TRHDE: variants seen among roughly 807,000 people sequenced by gnomAD.
TRHDE encodes the protein thyrotropin releasing hormone degrading enzyme, also known as thyrotropin-releasing hormone-degrading ectoenzyme.
A neutral mutation model predicts 125.7 loss-of-function variants in TRHDE; 72 were observed. That is an observed-to-expected ratio of 0.57 (90% CI 0.47 to 0.70). The LOEUF is 0.70. TRHDE is among the 30% of genes least tolerant of loss of function. TRHDE has a pLI of 0.00. For missense variants in TRHDE, 1,110 were observed against 1,327.1 expected (o/e 0.84, Z 2.54); for synonymous variants, 509 against 509.1 (o/e 1.00, Z 0.00).
At chr12:72,156,098 G>C (rs1876500035) in intron 2 of TRHDE, among the ~76,000 whole-genome samples, 1 of 152,136 alleles carries the variant, frequency 6.6e-6, no homozygotes, top group African/African-American at 2.4e-5. Flanking sequence ...GCAGTGGCGG[G>C]CGCCCCTCCC....
At chr12:72,205,586 C>A (rs1877648344) in intron 2 of TRHDE, among the ~76,000 whole-genome samples, 1 of 152,068 alleles carries the variant, frequency 6.6e-6, no homozygotes, top group African/African-American at 2.4e-5. Flanking sequence ...TTTAGATATC[C>A]CATGTAAGTA....
chr12:72,596,364 C>T (rs1424172477), intron 12 of TRHDE, among the ~76,000 whole-genome samples: 1 of 152,046 alleles, frequency 6.6e-6, no homozygotes, highest in East Asian at 1.9e-4. Context: ...ATGTAGTTCA[C>T]TCATTCATTG....
intron 3 of TRHDE, among the ~76,000 whole-genome samples, chr12:72,410,713 G>A (rs1873459200): frequency 6.6e-6 from 1 of 152,020 alleles, no homozygotes; most frequent in South Asian, 2.1e-4. Flanking sequence ...TTAATATAAT[G>A]AAAAATTATT....
chr12:72,294,311 A>G lies in TRHDE; in HGVS notation c.1188+7357A>G, dbSNP rs368933529. Among the ~76,000 whole-genome samples the G allele has an allele frequency of 2.0e-5, 3 of 152,100 alleles. No homozygotes were observed. The East Asian group carries it at 5.8e-4, about 29-fold the overall frequency. On this transcript the variant is annotated intron_variant, in intron 2 of 18. Transcript: ENST00000261180. ...AGGGGAGTGGAGGGTGAGCAAGATGAATAGGAGCCTTATTGAATGATAGAA... is the reference window on the plus strand; with the variant it reads ...AGGGGAGTGGAGGGTGAGCAAGATGGATAGGAGCCTTATTGAATGATAGAA...
At chr12:72,222,892 G>C (rs571243607) in intron 2 of TRHDE, among the ~76,000 whole-genome samples, 1 of 152,188 alleles carries the variant, frequency 6.6e-6, no homozygotes, top group African/African-American at 2.4e-5. Context: ...TACTACAGAA[G>C]ATAATTTGTT....
intron 2 of TRHDE, among the ~76,000 whole-genome samples, chr12:72,348,419 A>G (rs1171271042): frequency 6.6e-6 from 1 of 151,902 alleles, no homozygotes; most frequent in Non-Finnish European, 1.5e-5. Flanking sequence ...AGTGGCCTTG[A>G]TCTTTTACAT....
upstream of TRHDE, among the ~76,000 whole-genome samples, chr12:72,268,338 TA>T (rs1252557284): frequency 6.6e-6 from 1 of 152,156 alleles, no homozygotes; most frequent in Non-Finnish European, 1.5e-5. Context: ...TTAACTGAAT[TA>T]TTTTTTGCTT....
At chr12:72,468,205 GT>G (rs773327954) in intron 3 of TRHDE, among the ~76,000 whole-genome samples, 2 of 152,130 alleles carry the variant, frequency 1.3e-5, no homozygotes, top group African/African-American at 2.4e-5. Context: ...AACACATGGT[GT>G]TATTCTACTT....
intron 2 of TRHDE, among the ~76,000 whole-genome samples, chr12:72,232,949 A>G (rs1423070174): frequency 6.6e-6 from 1 of 152,152 alleles, no homozygotes; most frequent in Non-Finnish European, 1.5e-5. Flanking sequence ...GTGGACTCCA[A>G]ACTCTATCAA....
Position 72,652,424 on chromosome 12 carries a change from A to T in TRHDE, c.2778A>T (p.Ala926=). The T allele has an allele frequency of 6.2e-7, 1 of 1,608,274 alleles. No individual in the cohort carries two copies. Among genetic ancestry groups the T allele is most frequent in the Non-Finnish European group, 8.5e-7 (1 of 1,176,928 alleles). The change falls in exon 16 of 19, where the codon GCA becomes GCT. Residue 926 remains alanine (A), a synonymous_variant. Coordinates refer to ENST00000261180, the MANE Select transcript of TRHDE (RefSeq NM_013381.3). ...FIWMKFHSTT[A]VSEKKILLEA... is the part of the protein sequence containing the mutation. ...GGATGAAATTCCATTCCACCACAGC[A>T]GTTTCTGAGAAGAAAATATTATTGG... is the stretch of plus-strand genomic sequence containing the variant.
intron 2 of TRHDE, among the ~76,000 whole-genome samples, chr12:72,294,012 G>A (rs1366655749): frequency 1.3e-5 from 2 of 152,196 alleles, no homozygotes; most frequent in East Asian, 3.9e-4. Flanking sequence ...TGCACCACAA[G>A]CGGCTTTCAT....
chr12:72,299,317 C>G (rs760856552), intron 2 of TRHDE, among the ~76,000 whole-genome samples: 3 of 152,144 alleles, frequency 2.0e-5, no homozygotes, highest in Non-Finnish European at 4.4e-5. Flanking sequence ...TCCTCAATCA[C>G]TACCATCTAC....
At chr12:72,375,372 T>C (rs1871829413) in intron 2 of TRHDE, among the ~76,000 whole-genome samples, 1 of 152,166 alleles carries the variant, frequency 6.6e-6, no homozygotes, top group Admixed American at 6.5e-5. Flanking sequence ...GTGCTGAACA[T>C]GTATATGTTT....
At chr12:72,102,667 G>A (rs1347266499) in intron 1 of TRHDE, among the ~76,000 whole-genome samples, 1 of 152,166 alleles carries the variant, frequency 6.6e-6, no homozygotes, top group Non-Finnish European at 1.5e-5. Context: ...AGGAGAAGGG[G>A]AGCAACTCTG....
intron 2 of TRHDE, among the ~76,000 whole-genome samples, chr12:72,176,461 ATGAG>A (rs1446583993): frequency 6.6e-6 from 1 of 152,162 alleles, no homozygotes; most frequent in Non-Finnish European, 1.5e-5. Context: ...AGTGTGGGCA[ATGAG>A]TGTTTCTGGG....
intron 2 of TRHDE, among the ~76,000 whole-genome samples, chr12:72,124,515 T>C (rs1006400897): frequency 4.6e-5 from 7 of 152,144 alleles, no homozygotes; most frequent in Non-Finnish European, 8.8e-5. Context: ...CAAGATTAAA[T>C]AGAGTGATCA....
chr12:72,528,827 G>A (rs1436360792), intron 6 of TRHDE, among the ~76,000 whole-genome samples: 1 of 152,016 alleles, frequency 6.6e-6, no homozygotes, highest in African/African-American at 2.4e-5. Flanking sequence ...ATTCAATGCT[G>A]TTATTAGTTT....
chr12:72,577,191 T>C (rs1176278087), intron 12 of TRHDE, among the ~76,000 whole-genome samples: 2 of 152,132 alleles, frequency 1.3e-5, no homozygotes. Flanking sequence ...GAGTGAGGTG[T>C]TGAGTACCAC....
chr12:72,470,180 C>G (rs945324863), intron 4 of TRHDE, among the ~76,000 whole-genome samples: 1 of 152,130 alleles, frequency 6.6e-6, no homozygotes, highest in Non-Finnish European at 1.5e-5. Context: ...CTTTGGAGCC[C>G]CTATCTGGTC....
Sources: allele counts gnomAD v4.1 joint callset (sites outside exome capture counted in the v4.1 genomes callset), GRCh38; gene constraint gnomAD v4.1.1; transcripts MANE v1.5; gene names NCBI Gene and HGNC (gene_info 2026-07-23, HGNC 2026-07-21).